RTN1: variants seen among roughly 807,000 people sequenced by gnomAD.
RTN1 encodes reticulon 1.
In RTN1, 25 loss-of-function variants were observed where a neutral mutation model predicts 65.5. The observed-to-expected ratio is 0.38, with a 90% CI of 0.28 to 0.53. RTN1 has a LOEUF of 0.53. Among genes scored for constraint, RTN1 ranks in the 20% least tolerant of loss-of-function variants. RTN1 has a pLI of 0.79. For synonymous variants in RTN1, 471 were observed against 447.6 expected (o/e 1.05, Z -0.66); for missense variants, 983 against 1,025.4 (o/e 0.96, Z 0.57).
intron 3 of RTN1, among the ~76,000 whole-genome samples, chr14:59,685,244 T>C (rs1216475362): frequency 2.0e-5 from 3 of 152,216 alleles, no homozygotes; most frequent in Non-Finnish European, 4.4e-5. Context: ...GCTTTTCTTC[T>C]GAGACCTGGA....
chr14:59,791,010 C>T (rs1886338006), intron 1 of RTN1, among the ~76,000 whole-genome samples: 1 of 152,118 alleles, frequency 6.6e-6, no homozygotes, highest in Non-Finnish European at 1.5e-5. Flanking sequence ...TCTGGCATTT[C>T]CCTTTTTTAT....
intron 3 of RTN1, among the ~76,000 whole-genome samples, chr14:59,636,898 A>C (rs1265734175): frequency 6.6e-6 from 1 of 152,246 alleles, no homozygotes; most frequent in African/African-American, 2.4e-5. Context: ...TCAGTAATTC[A>C]TAATAATCTT....
chr14:59,603,021 T>A, intron 8 of RTN1, 44 bp downstream of exon 8: 4 of 1,520,674 alleles, frequency 2.6e-6, no homozygotes, highest in Non-Finnish European at 3.6e-6. Context: ...CAAATGCTGA[T>A]GTAAGAGAGT....
intron 3 of RTN1, among the ~76,000 whole-genome samples, chr14:59,638,925 G>C (rs868213550): frequency 3.3e-5 from 5 of 152,140 alleles, no homozygotes; most frequent in Non-Finnish European, 5.9e-5. Context: ...ATAACTGTTT[G>C]GCCTTGCTTT....
chr14:59,607,198 T>G, intron 4 of RTN1, 87 bp downstream of exon 4: 7 of 1,169,412 alleles, frequency 6.0e-6, no homozygotes, highest in South Asian at 1.3e-5. Flanking sequence ...CAGAGAAACA[T>G]GACTCAAGTG....
chr14:59,784,551 G>C (rs34543825), intron 1 of RTN1, among the ~76,000 whole-genome samples: 26,039 of 152,072 alleles, frequency 0.17, 2,726 homozygotes, highest in East Asian at 0.32. Context: ...GATTTTTGCT[G>C]TTTGTCTTTT....
In RTN1 at chr14:59,749,292, ATATATCTATATATATCTATATATATATC is replaced by A. The variant is rs1460440504; in HGVS notation, c.242-2839_242-2812del. ...TATATATATATCTATATATATCTATATATATCTATATATATCTATATATATATCTATATATCTATATATATCTATATAT... is the reference window on the plus strand; with the variant it reads ...TATATATATATCTATATATATCTATATATATATCTATATATATCTATATAT... On this transcript the variant is annotated intron_variant, in intron 1 of 8. Transcript: ENST00000267484. Among the ~76,000 whole-genome samples the A allele has an allele frequency of 1.3e-4, 9 of 68,360 alleles. 2 individuals carry two copies. Among genetic ancestry groups the A allele is most frequent in the African/African-American group, 8.8e-4 (9 of 10,174 alleles). The allele number at this position is 68,360 out of a possible 152,430, so 44.8% of individuals were successfully genotyped here. A position where few individuals can be genotyped will look rare whatever the true frequency, so the allele number is the denominator to read the frequency against.
chr14:59,843,134 T>C (rs1887345065), intron 1 of RTN1, among the ~76,000 whole-genome samples: 1 of 152,252 alleles, frequency 6.6e-6, no homozygotes, highest in Non-Finnish European at 1.5e-5. Context: ...TATTGTAGAA[T>C]ATTGCACAGT....
chr14:59,766,586 GA>G lies in RTN1; in HGVS notation c.242-20106del, dbSNP rs1885855361. Among the ~76,000 whole-genome samples, 1 of 152,138 alleles carries G rather than the reference GA, an allele frequency of 6.6e-6. No individual in the cohort carries two copies. On this transcript the variant is annotated intron_variant, in intron 1 of 8. Transcript: ENST00000267484. The surrounding 1 kb of genome is among the most constrained non-coding windows in gnomAD (Gnocchi z 4.4). The stretch of plus-strand genomic sequence containing the variant: ...CAGATGACCCCATGATAAGGTTTAA[GA>G]GTATTTTTAAAGTGAAAATGCTTCA...
At chr14:59,666,413 C>T (rs1233215861) in intron 3 of RTN1, among the ~76,000 whole-genome samples, 1 of 152,100 alleles carries the variant, frequency 6.6e-6, no homozygotes. Flanking sequence ...ACACAATGTA[C>T]CAGAATCTCT....
Position 59,792,359 on chromosome 14 carries a change from T to TCACACACACA in RTN1, c.242-45888_242-45879dup, listed in dbSNP as rs34220909. On this transcript the variant is annotated intron_variant, in intron 1 of 8. Coordinates refer to ENST00000267484, the MANE Select transcript of RTN1 (RefSeq NM_021136.3). ...AGTCTGAGAGAAAAGAGAAAAGACT[T>TCACACACACA]CACACACACACACACACACACACAC... is the stretch of plus-strand genomic sequence containing the variant. Among the ~76,000 whole-genome samples the TCACACACACA allele has an allele frequency of 9.8e-3, 1,422 of 144,868 alleles. 26 individuals are homozygous for TCACACACACA. The highest frequency in any genetic ancestry group is 0.033 in the African/African-American group (1,312 of 39,362).
At chr14:59,762,414 CT>C (rs956968054) in intron 1 of RTN1, among the ~76,000 whole-genome samples, 2 of 151,970 alleles carry the variant, frequency 1.3e-5, no homozygotes, top group African/African-American at 2.4e-5. Flanking sequence ...TCTATAAGAC[CT>C]TTTGTTTAAC....
intron 2 of RTN1, among the ~76,000 whole-genome samples, chr14:59,741,517 G>T (rs1885116901): frequency 6.6e-6 from 1 of 152,198 alleles, no homozygotes; most frequent in Non-Finnish European, 1.5e-5. Context: ...TCACTCGTGA[G>T]TCCTGGCAGT....
chr14:59,835,208 T>C (rs1887192952), intron 1 of RTN1, among the ~76,000 whole-genome samples: 1 of 151,868 alleles, frequency 6.6e-6, no homozygotes, highest in South Asian at 2.1e-4. Context: ...ACAACATGAA[T>C]GAATTTCAAA....
chr14:59,760,795 T>G (rs1885732622), intron 1 of RTN1, among the ~76,000 whole-genome samples: 1 of 152,224 alleles, frequency 6.6e-6, no homozygotes, highest in Non-Finnish European at 1.5e-5. Context: ...TAGATTTTTG[T>G]TTGGTAAGTA....
chr14:59,820,023 A>G (rs1363642118), intron 1 of RTN1, among the ~76,000 whole-genome samples: 1 of 152,250 alleles, frequency 6.6e-6, no homozygotes, highest in African/African-American at 2.4e-5. Context: ...GGGCTACTCA[A>G]GCATGGCCAG....
intron 1 of RTN1, among the ~76,000 whole-genome samples, chr14:59,843,646 G>T (rs1004098091): frequency 6.6e-6 from 1 of 152,150 alleles, no homozygotes; most frequent in African/African-American, 2.4e-5. Context: ...AAAAAGGAAC[G>T]CACACGTGAT....
At chr14:59,643,439 C>T (rs116069630) in intron 3 of RTN1, among the ~76,000 whole-genome samples, 2,405 of 152,252 alleles carry the variant, frequency 0.016, 70 homozygotes, top group African/African-American at 0.055. Context: ...AGGCTGGTCT[C>T]GGACTCCTGA....
rs181348947 is a variant in RTN1 at position 59,671,778 on chromosome 14, C to T, written c.1765+55141G>A. Among the ~76,000 whole-genome samples the T allele has an allele frequency of 3.1e-3, 468 of 152,304 alleles. 2 individuals carry two copies. Among genetic ancestry groups the T allele is most frequent in the Middle Eastern group, 0.01 (3 of 294 alleles). Reference sequence around the variant, plus strand: ...GAACCTGAAAAGGCCAATGCTTAGGCGGGGAACAGCTCTAAGCTTCCCCCA... The same window carrying T: ...GAACCTGAAAAGGCCAATGCTTAGGTGGGGAACAGCTCTAAGCTTCCCCCA... On this transcript the variant is annotated intron_variant, in intron 3 of 8. Transcript: ENST00000267484.
Sources: gnomAD v4.1 joint callset for allele counts (sites outside exome capture counted in the v4.1 genomes callset) on GRCh38, gnomAD v4.1.1 for gene constraint, Gnocchi (gnomAD v3.1) non-coding constraint, MANE v1.5 for transcripts, NCBI Gene and HGNC (gene_info 2026-07-23, HGNC 2026-07-21) for gene names.